Variants in SOS2 observed in about 807,000 individuals in gnomAD.
SOS2 encodes the protein SOS Ras/Rho guanine nucleotide exchange factor 2, also known as son of sevenless homolog 2.
A neutral mutation model predicts 148.2 loss-of-function variants in SOS2; 65 were observed. That is an observed-to-expected ratio of 0.44 (90% CI 0.36 to 0.54). The LOEUF (loss-of-function observed/expected upper bound fraction) is 0.54. Among genes scored for constraint, SOS2 ranks in the 20% least tolerant of loss-of-function variants. The pLI is 0.00. For synonymous variants in SOS2, 539 were observed against 537.1 expected (o/e 1.00, Z -0.05); for missense variants, 1,341 against 1,590.2 (o/e 0.84, Z 2.67).
intron 1 of SOS2, among the ~76,000 whole-genome samples, chr14:50,208,562 C>T (rs1371323622): frequency 2.6e-5 from 4 of 152,010 alleles, no homozygotes; most frequent in African/African-American, 7.2e-5. Flanking sequence ...GCAGAAGAAT[C>T]GCTTGAACTG....
At chr14:50,190,068 G>C (rs1886079799) in intron 4 of SOS2, among the ~76,000 whole-genome samples, 1 of 151,698 alleles carries the variant, frequency 6.6e-6, no homozygotes, top group Non-Finnish European at 1.5e-5. Flanking sequence ...ATTCAGGCTG[G>C]TCTCGAGCTT....
chr14:50,203,054 G>A (rs1019608449), intron 2 of SOS2, among the ~76,000 whole-genome samples: 2 of 151,126 alleles, frequency 1.3e-5, no homozygotes, highest in African/African-American at 4.9e-5. Context: ...AGCTACTCGG[G>A]AGGCTGAGGC....
intron 1 of SOS2, among the ~76,000 whole-genome samples, chr14:50,214,299 T>C (rs980319906): frequency 1.3e-5 from 2 of 151,394 alleles, no homozygotes; most frequent in African/African-American, 4.9e-5. Context: ...TAGAAATTCA[T>C]ATAGGACCAA....
intron 1 of SOS2, among the ~76,000 whole-genome samples, chr14:50,219,111 C>CAA (rs146392357): frequency 2.2e-4 from 30 of 138,724 alleles, no homozygotes; most frequent in East Asian, 4.1e-4. Context: ...GATTTCGTCT[C>CAA]AAAAAAAAAA....
In SOS2 at chr14:50,182,533, T is replaced by C; in HGVS notation, c.788A>G (p.Asp263Gly). 1 of 1,612,406 alleles carries C rather than the reference T, an allele frequency of 6.2e-7. No individual in the cohort carries two copies. The highest frequency in any genetic ancestry group is 8.5e-7 in the Non-Finnish European group (1 of 1,178,414). The change falls in exon 6 of 23, where the codon GAC (aspartate) becomes GGC (glycine). Residue 263 changes from aspartate to glycine, a missense_variant. Transcript: ENST00000216373. ...GCTTTCATCAGTCATTTCAACTGTGTCTTCAATCAAACCTAAAAGTTTCAC... is the reference window on the plus strand; with the variant it reads ...GCTTTCATCAGTCATTTCAACTGTGCCTTCAATCAAACCTAAAAGTTTCAC... The part of the protein sequence containing the change: ...LTVKLLGLIE[D>G]TVEMTDESSP...
chr14:50,176,338 G>GT (rs1566838649), intron 7 of SOS2, among the ~76,000 whole-genome samples: 2 of 152,156 alleles, frequency 1.3e-5, no homozygotes, highest in African/African-American at 4.8e-5. Flanking sequence ...AGAGCAGCCT[G>GT]AATAGACTAA....
intron 21 of SOS2, among the ~76,000 whole-genome samples, chr14:50,128,060 T>C (rs1257311251): frequency 6.6e-6 from 1 of 152,264 alleles, no homozygotes; most frequent in Non-Finnish European, 1.5e-5. Flanking sequence ...TCATATGTAT[T>C]ATCTTTTCTC....
intron 12 of SOS2, 42 bp from the exon 13 acceptor site, chr14:50,153,215 G>T: frequency 9.1e-7 from 1 of 1,095,288 alleles, no homozygotes; most frequent in Non-Finnish European, 1.4e-6. Context: ...AAACATAAGT[G>T]TTCAATTACA....
intron 5 of SOS2, among the ~76,000 whole-genome samples, chr14:50,184,658 T>C (rs570637985): frequency 5.3e-5 from 8 of 151,674 alleles, no homozygotes; most frequent in South Asian, 4.2e-4. Context: ...CTCTAAAAAA[T>C]TGGGGAAAGA....
At chr14:50,223,093 C>T (rs534175463) in intron 1 of SOS2, among the ~76,000 whole-genome samples, 12 of 152,182 alleles carry the variant, frequency 7.9e-5, no homozygotes, top group Non-Finnish European at 1.2e-4. Flanking sequence ...TAAAAAAAGA[C>T]AATATTCAAG....
chr14:50,164,060 G>C (rs1310229770), intron 8 of SOS2, among the ~76,000 whole-genome samples: 3 of 152,098 alleles, frequency 2.0e-5, no homozygotes, highest in Non-Finnish European at 4.4e-5. Context: ...TGAATTTTCA[G>C]CAGTGAGATT....
In SOS2 at chr14:50,203,016, G is replaced by T. The variant is rs142146390; in HGVS notation, c.213+1268C>A. Among the ~76,000 whole-genome samples, 195 of 151,608 alleles carry T rather than the reference G, an allele frequency of 1.3e-3. 1 individual carries two copies. The East Asian group carries it at 0.029, about 22-fold the overall frequency. On this transcript the variant is annotated intron_variant, in intron 2 of 22. Transcript: ENST00000216373. The stretch of plus-strand genomic sequence containing the variant: ...ACAAAAATAAAAATAAAAATTAGCT[G>T]GGCGCAGTGACACGTGCCTGTAGTC...
In SOS2 at chr14:50,118,597, A is replaced by G. The variant is rs538397799; in HGVS notation, c.3746T>C (p.Leu1249Pro). Residue 1249 changes from leucine (L) to proline (P), a missense_variant, in exon 23 of 23, where the codon CTC becomes CCC. Transcript: ENST00000216373. ...ATTTGGACACGTACTAATGTCTCTG[A>G]GCCAGTCTGAATCTCTGTGAAGATG... is the stretch of plus-strand genomic sequence containing the variant. Reference protein sequence around the residue: ...LGHLHRDSDWLRDISTCPNSP... With the variant: ...LGHLHRDSDWPRDISTCPNSP... The G allele has an allele frequency of 1.9e-6, 3 of 1,614,116 alleles. No homozygotes were observed. The South Asian group carries it at 3.3e-5, about 18-fold the overall frequency.
At chr14:50,169,401 G>A (rs557609839) in intron 8 of SOS2, among the ~76,000 whole-genome samples, 4 of 150,754 alleles carry the variant, frequency 2.7e-5, no homozygotes, top group African/African-American at 7.3e-5. Context: ...TTGGGAGGCC[G>A]AAGGCAGGTG....
At chr14:50,211,848 C>T (rs1020131040) in intron 1 of SOS2, among the ~76,000 whole-genome samples, 9 of 152,112 alleles carry the variant, frequency 5.9e-5, no homozygotes, top group Non-Finnish European at 7.4e-5. Context: ...AGAAGACATA[C>T]GCTAGAAGGC....
intron 4 of SOS2, among the ~76,000 whole-genome samples, chr14:50,192,869 G>C (rs1370239982): frequency 1.4e-5 from 2 of 148,108 alleles, no homozygotes; most frequent in African/African-American, 4.9e-5. Flanking sequence ...GTCTCAGAAG[G>C]AAAAAAAAAA....
At chr14:50,143,468 C>T (rs1430407963) in intron 16 of SOS2, among the ~76,000 whole-genome samples, 1 of 151,994 alleles carries the variant, frequency 6.6e-6, no homozygotes, top group African/African-American at 2.4e-5. Context: ...GAACAAGTTT[C>T]ACTCTGTTGC....
chr14:50,230,571 T>G (rs964364060), intron 1 of SOS2, among the ~76,000 whole-genome samples: 6 of 152,222 alleles, frequency 3.9e-5, no homozygotes, highest in Admixed American at 3.3e-4. Context: ...AAATCGCAAT[T>G]TGGTCGTGAA....
At chr14:50,130,464 T>C (rs1883832443) in intron 20 of SOS2, 37 bp downstream of exon 20, 1 of 1,565,360 alleles carries the variant, frequency 6.4e-7, no homozygotes, top group Admixed American at 1.8e-5. Flanking sequence ...AGACACAGGA[T>C]TCCTTTTTTA....
Sources: gnomAD v4.1 joint callset for allele counts (sites outside exome capture counted in the v4.1 genomes callset) on GRCh38, gnomAD v4.1.1 for gene constraint, MANE v1.5 for transcripts, NCBI Gene and HGNC (gene_info 2026-07-23, HGNC 2026-07-21) for gene names.